Variants in VRK1 observed in about 807,000 individuals in gnomAD.
VRK1 encodes serine/threonine-protein kinase VRK1.
A neutral mutation model predicts 57.1 loss-of-function variants in VRK1; 33 were observed. The ratio of observed to expected loss-of-function variants is 0.58; its 90% CI spans 0.44 to 0.77. The LOEUF is 0.77. Ranked by LOEUF, VRK1 falls within the 30% of genes least tolerant of loss-of-function variation. The probability of loss-of-function intolerance (pLI) is 0.00; values close to 1 mark genes in which losing one functional copy is unlikely to be tolerated. For missense variants in VRK1, 413 were observed against 477.3 expected, an observed-to-expected ratio of 0.87 and a Z score of 1.25; for synonymous variants, 137 against 147.8, an observed-to-expected ratio of 0.93 and a Z score of 0.53.
chr14:96,817,368 CT>C (rs960974279), intron 1 of VRK1, among the ~76,000 whole-genome samples: 5 of 151,256 alleles, frequency 3.3e-5, no homozygotes, highest in African/African-American at 9.7e-5. Flanking sequence ...TTGTTTATGG[CT>C]TTTTTTTAAT....
At chr14:96,815,762 G>A (rs1226808411) in intron 1 of VRK1, among the ~76,000 whole-genome samples, 2 of 151,816 alleles carry the variant, frequency 1.3e-5, no homozygotes, top group African/African-American at 4.8e-5. Flanking sequence ...CGTGGGCATG[G>A]TGGCACTGGT....
chr14:96,834,484 G>T (rs1887137690), intron 2 of VRK1, among the ~76,000 whole-genome samples: 1 of 152,180 alleles, frequency 6.6e-6, no homozygotes, highest in African/African-American at 2.4e-5. Context: ...GGGCCCAGCA[G>T]TGTTTGTTCA....
intron 11 of VRK1, among the ~76,000 whole-genome samples, chr14:96,866,061 A>T (rs12893513): frequency 0.32 from 48,646 of 151,688 alleles, 8,547 homozygotes; most frequent in South Asian, 0.42. Flanking sequence ...TATCTTTTGG[A>T]TGCTATGAGC....
At chr14:96,863,001 A>G (rs1395343973) in intron 11 of VRK1, among the ~76,000 whole-genome samples, 1 of 152,200 alleles carries the variant, frequency 6.6e-6, no homozygotes, top group Non-Finnish European at 1.5e-5. Flanking sequence ...GGAATTGATG[A>G]ACAGTGGAAT....
intron 1 of VRK1, among the ~76,000 whole-genome samples, chr14:96,813,854 C>G (rs1890686311): frequency 1.3e-5 from 2 of 152,148 alleles, no homozygotes; most frequent in Admixed American, 1.3e-4. Flanking sequence ...ATTACACTTT[C>G]CTTGCAACTT....
At chr14:96,832,479 A>G (rs1209701156) in intron 1 of VRK1, among the ~76,000 whole-genome samples, 3 of 152,178 alleles carry the variant, frequency 2.0e-5, no homozygotes, top group Non-Finnish European at 4.4e-5. Context: ...CATGCATACT[A>G]GTACAAATTG....
intron 1 of VRK1, among the ~76,000 whole-genome samples, chr14:96,814,919 A>G (rs74076146): frequency 0.014 from 2,134 of 152,294 alleles, 55 homozygotes; most frequent in African/African-American, 0.049. Context: ...GGTCCAACCT[A>G]AAAGTCCCCT....
chr14:96,818,634 T>C (rs1403763644), intron 1 of VRK1, among the ~76,000 whole-genome samples: 1 of 152,176 alleles, frequency 6.6e-6, no homozygotes, highest in Non-Finnish European at 1.5e-5. Flanking sequence ...TGATACTTAT[T>C]TTTTTAATGT....
At chr14:96,869,003 C>G (rs1888702263) in intron 11 of VRK1, among the ~76,000 whole-genome samples, 1 of 152,066 alleles carries the variant, frequency 6.6e-6, no homozygotes, top group Non-Finnish European at 1.5e-5. Context: ...CCGTGTTGGT[C>G]AGGCTGGTCA....
chr14:96,818,452 C>T (rs1886474845), intron 1 of VRK1, among the ~76,000 whole-genome samples: 1 of 150,536 alleles, frequency 6.6e-6, no homozygotes, highest in East Asian at 1.9e-4. Context: ...GAGTCTTCAC[C>T]TAGTTCTTTC....
At chr14:96,805,263 G>A (rs1009695270) in intron 1 of VRK1, among the ~76,000 whole-genome samples, 2 of 152,158 alleles carry the variant, frequency 1.3e-5, no homozygotes, top group African/African-American at 2.4e-5. Context: ...GCAGCTTTAA[G>A]GTTTTGGTCT....
intron 11 of VRK1, among the ~76,000 whole-genome samples, chr14:96,872,510 A>G (rs890310585): frequency 6.6e-6 from 1 of 152,242 alleles, no homozygotes; most frequent in Non-Finnish European, 1.5e-5. Flanking sequence ...GTACTATAAT[A>G]TAACTCTGGA....
At chr14:96,809,571 T>TTTC (rs376732211) in intron 1 of VRK1, among the ~76,000 whole-genome samples, 1,628 of 112,648 alleles carry the variant, frequency 0.014, 17 homozygotes, top group African/African-American at 0.049. Context: ...GCTTGCTTTC[T>TTTC]TTTTTTTTTT....
chr14:96,841,290 T>C (rs935069176), intron 3 of VRK1, among the ~76,000 whole-genome samples: 2 of 152,240 alleles, frequency 1.3e-5, no homozygotes, highest in African/African-American at 4.8e-5. Flanking sequence ...TTACTTTTAC[T>C]GCCTTTTTAA....
intron 3 of VRK1, among the ~76,000 whole-genome samples, chr14:96,844,250 A>C (rs1887583636): frequency 6.6e-6 from 1 of 152,168 alleles, no homozygotes; most frequent in African/African-American, 2.4e-5. Flanking sequence ...TGCTGCTAGG[A>C]AAGGAGCCAT....
chr14:96,860,925 T>A (rs1275843470), intron 11 of VRK1, 190 bp downstream of exon 11: 2 of 475,418 alleles, frequency 4.2e-6, no homozygotes, highest in Non-Finnish European at 7.2e-6. Context: ...ATTTCTTATG[T>A]TTAGTAGCAA....
At chr14:96,801,552 A>C (rs1231375406) in intron 1 of VRK1, among the ~76,000 whole-genome samples, 1 of 152,174 alleles carries the variant, frequency 6.6e-6, no homozygotes, top group Non-Finnish European at 1.5e-5. Context: ...ATGTAATTAC[A>C]GTGTACCCTT....
At chr14:96,848,457 G>A (rs368964368) in intron 5 of VRK1, among the ~76,000 whole-genome samples, 36 of 152,262 alleles carry the variant, frequency 2.4e-4, no homozygotes, top group African/African-American at 7.5e-4. Context: ...TTGGTGCTCC[G>A]TTAGAAAAGA....
In VRK1 at chr14:96,881,546, A is replaced by G. The variant is rs1889259011; in HGVS notation, c.*338A>G. ...CAGAGTGGATAAAAATGTTTGACAA[A>G]GTCCTCACTTTTAAGGAAATGCAAA... On this transcript the variant is annotated 3_prime_UTR_variant, in exon 13 of 13. Coordinates refer to ENST00000216639, the MANE Select transcript of VRK1 (RefSeq NM_003384.3). The G allele has an allele frequency of 1.5e-5, 3 of 204,720 alleles. No individual in the cohort carries two copies. In the South Asian group the frequency reaches 3.7e-4, roughly 25 times the overall value. 12.7% of individuals were successfully genotyped at this position (204,720 alleles called of 1,614,324 possible).
Sources: gnomAD v4.1 joint callset for allele counts (sites outside exome capture counted in the v4.1 genomes callset) on GRCh38, gnomAD v4.1.1 for gene constraint, MANE v1.5 for transcripts, NCBI Gene and HGNC (gene_info 2026-07-23, HGNC 2026-07-21) for gene names.